UNC5D: variants seen among roughly 807,000 people sequenced by gnomAD.
UNC5D encodes netrin receptor UNC5D.
A neutral mutation model predicts 105.4 loss-of-function variants in UNC5D; 39 were observed. That is an observed-to-expected ratio of 0.37 (90% CI 0.29 to 0.48). UNC5D has a LOEUF of 0.48. UNC5D is among the 20% of genes least tolerant of loss of function. The pLI, the probability that UNC5D is intolerant of heterozygous loss-of-function variation, is 0.98. For synonymous variants in UNC5D, 452 were observed against 450.4 expected (o/e 1.00, Z -0.04); for missense variants, 991 against 1,202.4 (o/e 0.82, Z 2.60).
intron 4 of UNC5D, among the ~76,000 whole-genome samples, chr8:35,653,940 C>T (rs960490029): frequency 6.6e-6 from 1 of 151,798 alleles, no homozygotes; most frequent in Non-Finnish European, 1.5e-5. Flanking sequence ...TCCTCATGTA[C>T]TTAGTTACAT....
intron 1 of UNC5D, among the ~76,000 whole-genome samples, chr8:35,378,268 A>T (rs1247456386): frequency 6.6e-6 from 1 of 152,184 alleles, no homozygotes; most frequent in Non-Finnish European, 1.5e-5. Flanking sequence ...CTTCTGCTAA[A>T]ACAGAAAATT....
intron 1 of UNC5D, among the ~76,000 whole-genome samples, chr8:35,335,927 A>C (rs1304610242): frequency 1.3e-5 from 2 of 151,408 alleles, no homozygotes; most frequent in African/African-American, 2.4e-5. Context: ...CCACGCCCGG[A>C]TAATTTTTTG....
intron 3 of UNC5D, among the ~76,000 whole-genome samples, chr8:35,576,333 G>A (rs1818085479): frequency 1.3e-5 from 2 of 152,160 alleles, no homozygotes; most frequent in Non-Finnish European, 2.9e-5. Flanking sequence ...GGAAAAGGTA[G>A]GTATGAATTC....
At chr8:35,717,819 C>A (rs1020155806) in intron 8 of UNC5D, among the ~76,000 whole-genome samples, 11 of 152,214 alleles carry the variant, frequency 7.2e-5, no homozygotes, top group Non-Finnish European at 1.2e-4. Context: ...TGAGCACCTA[C>A]AAAGACGGTA....
chr8:35,460,224 T>A (rs2129644915), intron 1 of UNC5D, among the ~76,000 whole-genome samples: 1 of 152,304 alleles, frequency 6.6e-6, no homozygotes, highest in African/African-American at 2.4e-5. Flanking sequence ...GCTTGCTTGC[T>A]GAGAATGGGG....
intron 1 of UNC5D, among the ~76,000 whole-genome samples, chr8:35,421,569 TA>T (rs1805900593): frequency 6.6e-6 from 1 of 152,202 alleles, no homozygotes; most frequent in South Asian, 2.1e-4. Context: ...CAGTTTTGTA[TA>T]AAAACTAGTT....
chr8:35,236,123 C>T (rs987344717), intron 1 of UNC5D, among the ~76,000 whole-genome samples: 1 of 152,182 alleles, frequency 6.6e-6, no homozygotes. Flanking sequence ...TACCGTTTTC[C>T]TGGACCCTCC....
intron 2 of UNC5D, among the ~76,000 whole-genome samples, chr8:35,563,703 G>C (rs1222314772): frequency 6.6e-6 from 1 of 151,908 alleles, no homozygotes; most frequent in African/African-American, 2.4e-5. Flanking sequence ...CAGATTAAGG[G>C]GAAAGGCTTT....
At chr8:35,533,014 A>T in intron 1 of UNC5D, among the ~76,000 whole-genome samples, 1 of 146,234 alleles carries the variant, frequency 6.8e-6, no homozygotes, top group Non-Finnish European at 1.5e-5. Flanking sequence ...AGCTCAGAGT[A>T]ATTTGATCGT....
chr8:35,792,147 T>C lies in UNC5D; in HGVS notation c.*1584T>C, dbSNP rs1411558712. Reference sequence around the variant, plus strand: ...GGGGAGGTGGGGAGTTGGGGAGTACTTGGCAGTTGGGATATGATCCATTTT... The same window carrying C: ...GGGGAGGTGGGGAGTTGGGGAGTACCTGGCAGTTGGGATATGATCCATTTT... On this transcript the variant is annotated 3_prime_UTR_variant, in exon 17 of 17. Transcript: ENST00000404895. The C allele has an allele frequency of 6.6e-6, 1 of 152,158 alleles. No homozygotes were observed. Among genetic ancestry groups the C allele is most frequent in the Admixed American group, 6.6e-5 (1 of 15,254 alleles). 9.4% of individuals were successfully genotyped at this position (152,158 alleles called of 1,614,324 possible).
In UNC5D at chr8:35,683,568, G is replaced by C; in HGVS notation, c.592G>C (p.Glu198Gln). 2 of 1,559,134 alleles carry C rather than the reference G, an allele frequency of 1.3e-6. No individual in the cohort carries two copies. The highest frequency in any genetic ancestry group is 3.4e-4 in the Middle Eastern group (2 of 5,948). The change falls in exon 5 of 17, where the codon GAG (glutamate) becomes CAG (glutamine). Residue 198 changes from glutamate (E) to glutamine (Q), a missense_variant. This residue lies in a region of UNC5D where 944 missense variants were observed against 1,131.6 expected (regional missense o/e 0.83). Coordinates refer to ENST00000404895, the MANE Select transcript of UNC5D (RefSeq NM_080872.4). ...GTAGGTGGAATGGCTGAAAAATGAA[G>C]AGCCCATTGACTCTGAACAAGACGA... is the stretch of plus-strand genomic sequence containing the variant. Reference protein sequence around the residue: ...AAEVEWLKNEEPIDSEQDENI... With the variant: ...AAEVEWLKNEQPIDSEQDENI...
At chr8:35,595,179 A>G (rs1421261328) in intron 3 of UNC5D, among the ~76,000 whole-genome samples, 1 of 152,228 alleles carries the variant, frequency 6.6e-6, no homozygotes, top group Non-Finnish European at 1.5e-5. Context: ...AATCATGTGC[A>G]TCTCAACTGC....
intron 1 of UNC5D, among the ~76,000 whole-genome samples, chr8:35,321,522 G>A (rs991613918): frequency 1.3e-5 from 2 of 152,064 alleles, no homozygotes; most frequent in East Asian, 1.9e-4. Flanking sequence ...CTTCCACACC[G>A]ATTGTAAGTT....
chr8:35,491,020 A>C (rs939701716), intron 1 of UNC5D, among the ~76,000 whole-genome samples: 2 of 151,764 alleles, frequency 1.3e-5, no homozygotes, highest in African/African-American at 4.8e-5. Flanking sequence ...ATTGGTAAAA[A>C]TTGGCTGCAA....
intron 2 of UNC5D, among the ~76,000 whole-genome samples, chr8:35,564,746 C>T (rs976374126): frequency 6.6e-6 from 1 of 152,056 alleles, no homozygotes; most frequent in African/African-American, 2.4e-5. Context: ...CTCATCCTAT[C>T]CAATCCTCCC....
chr8:35,249,601 T>TAATAATAAA (rs1176666606), intron 1 of UNC5D, among the ~76,000 whole-genome samples: 5 of 126,884 alleles, frequency 3.9e-5, no homozygotes, highest in African/African-American at 1.5e-4. Context: ...ATAATAATAA[T>TAATAATAAA]AAAATAAATA....
At chr8:35,249,885 A>G (rs923639813) in intron 1 of UNC5D, among the ~76,000 whole-genome samples, 1 of 152,034 alleles carries the variant, frequency 6.6e-6, no homozygotes, top group African/African-American at 2.4e-5. Context: ...AATAGTGGTC[A>G]GGCTTTGAAT....
At chr8:35,537,631 G>A (rs1814932626) in intron 1 of UNC5D, among the ~76,000 whole-genome samples, 1 of 151,784 alleles carries the variant, frequency 6.6e-6, no homozygotes, top group African/African-American at 2.4e-5. Flanking sequence ...AGTAAACTAT[G>A]ATGGCACTAC....
chr8:35,395,352 A>G (rs1322361247), intron 1 of UNC5D, among the ~76,000 whole-genome samples: 2 of 152,218 alleles, frequency 1.3e-5, no homozygotes, highest in Admixed American at 6.5e-5. Flanking sequence ...TGGCTATCAG[A>G]AAAGACTTAA....
Sources: allele counts gnomAD v4.1 joint callset (sites outside exome capture counted in the v4.1 genomes callset), GRCh38; gene constraint gnomAD v4.1.1; regional missense constraint gnomAD v4.1.1; transcripts MANE v1.5; gene names NCBI Gene and HGNC (gene_info 2026-07-23, HGNC 2026-07-21).